Variants in ARL15 observed in about 807,000 individuals in gnomAD.
ARL15 encodes ARF like GTPase 15.
In ARL15, 19 loss-of-function variants were observed where a neutral mutation model predicts 25.2. The observed-to-expected ratio is 0.75, with a 90% CI of 0.53 to 1.10. The LOEUF is 1.10. Ranked by LOEUF, ARL15 falls within the 50% of genes least tolerant of loss-of-function variation. The pLI, the probability that ARL15 is intolerant of heterozygous loss-of-function variation, is 0.00. For synonymous variants in ARL15, 94 were observed against 86.8 expected, an observed-to-expected ratio of 1.08 and a Z score of -0.46; for missense variants, 220 against 246.0, an observed-to-expected ratio of 0.89 and a Z score of 0.71.
rs1561246172 is a variant in ARL15, at chr5:54,156,877, T to G, written c.194-2238A>C. Among the ~76,000 whole-genome samples, 4 of 152,304 alleles carry G rather than the reference T, an allele frequency of 2.6e-5. No individual in the cohort carries two copies. In the East Asian group the frequency reaches 7.7e-4, roughly 29 times the overall value. ...GTACCTGAGCCTGCAGGAAAGCCTC[T>G]CCAGGTGTCTGGCCTCTGGGAAATT... On this transcript the variant is annotated intron_variant, in intron 2 of 4. Coordinates refer to ENST00000504924, the MANE Select transcript of ARL15 (RefSeq NM_019087.3).
At chr5:54,080,191 G>A (rs1751751490) in intron 4 of ARL15, among the ~76,000 whole-genome samples, 1 of 152,144 alleles carries the variant, frequency 6.6e-6, no homozygotes, top group South Asian at 2.1e-4. Context: ...TTCTAAAGTT[G>A]AAACAGCTTT....
intron 4 of ARL15, among the ~76,000 whole-genome samples, chr5:53,928,788 G>C (rs748349314): frequency 6.6e-6 from 1 of 152,168 alleles, no homozygotes; most frequent in Non-Finnish European, 1.5e-5. Flanking sequence ...CAGAGCTTCT[G>C]TGCTGTCTTT....
At chr5:54,181,646 C>A (rs1451018842) in intron 1 of ARL15, among the ~76,000 whole-genome samples, 2 of 152,188 alleles carry the variant, frequency 1.3e-5, no homozygotes, top group African/African-American at 2.4e-5. Flanking sequence ...TTAAAAGGAG[C>A]TAGGTGGTCG....
At chr5:54,187,915 G>A (rs1755284244) in intron 1 of ARL15, among the ~76,000 whole-genome samples, 1 of 152,128 alleles carries the variant, frequency 6.6e-6, no homozygotes, top group African/African-American at 2.4e-5. Context: ...GGGACAGTCT[G>A]GGCTATTGTT....
chr5:53,942,008 G>A (rs914906694), intron 4 of ARL15, among the ~76,000 whole-genome samples: 2 of 152,194 alleles, frequency 1.3e-5, no homozygotes, highest in African/African-American at 2.4e-5. Context: ...TAAAGAGTAT[G>A]GGGCGGGCAG....
intron 1 of ARL15, among the ~76,000 whole-genome samples, chr5:54,297,730 T>C (rs745659405): frequency 6.6e-6 from 1 of 152,236 alleles, no homozygotes; most frequent in Non-Finnish European, 1.5e-5. Context: ...GACTTGTTAC[T>C]CCATACAACA....
chr5:54,296,900 G>C (rs1758479513), intron 1 of ARL15, among the ~76,000 whole-genome samples: 1 of 152,202 alleles, frequency 6.6e-6, no homozygotes, highest in Admixed American at 6.5e-5. Context: ...CCACCACTGT[G>C]GCAGAGGGTT....
chr5:54,201,127 T>C (rs1295895697), intron 1 of ARL15, among the ~76,000 whole-genome samples: 2 of 152,106 alleles, frequency 1.3e-5, no homozygotes, highest in Non-Finnish European at 2.9e-5. Flanking sequence ...ATCTATGGCT[T>C]ACCAGAGAGA....
chr5:54,243,293 G>A (rs925529651), intron 1 of ARL15, among the ~76,000 whole-genome samples: 4 of 152,126 alleles, frequency 2.6e-5, no homozygotes, highest in African/African-American at 9.7e-5. Context: ...CTTGATTACA[G>A]CCTTCTGTAA....
At chr5:54,006,829 G>A (rs568647909) in intron 4 of ARL15, among the ~76,000 whole-genome samples, 56 of 152,150 alleles carry the variant, frequency 3.7e-4, no homozygotes, top group African/African-American at 1.3e-3. Context: ...GGTGGCTCAC[G>A]TCTGCAATGT....
At chr5:54,184,106 G>C in intron 1 of ARL15, among the ~76,000 whole-genome samples, 1 of 60,140 alleles carries the variant, frequency 1.7e-5, no homozygotes, top group Non-Finnish European at 3.1e-5. Context: ...TGGTGGGGTG[G>C]GGGGAGGGGG....
chr5:54,085,522 C>G (rs999519358), intron 4 of ARL15, among the ~76,000 whole-genome samples: 1 of 152,122 alleles, frequency 6.6e-6, no homozygotes, highest in South Asian at 2.1e-4. Context: ...ACTGAACGTA[C>G]AGACTAAAAT....
chr5:53,970,848 A>G (rs1193856597), intron 4 of ARL15, among the ~76,000 whole-genome samples: 1 of 152,238 alleles, frequency 6.6e-6, no homozygotes, highest in Non-Finnish European at 1.5e-5. Flanking sequence ...ATTCCTTCTG[A>G]ATAAATGAAA....
intron 4 of ARL15, among the ~76,000 whole-genome samples, chr5:54,059,641 C>G (rs899349335): frequency 2.6e-5 from 4 of 152,182 alleles, no homozygotes; most frequent in African/African-American, 9.7e-5. Flanking sequence ...TACCAAGTGA[C>G]AGTTGGAACC....
At chr5:53,934,513 ATGTACATTAAAC>A (rs1746297398) in intron 4 of ARL15, among the ~76,000 whole-genome samples, 1 of 152,176 alleles carries the variant, frequency 6.6e-6, no homozygotes, top group Admixed American at 6.5e-5. Flanking sequence ...ATTTAAATAA[ATGTACATTAAAC>A]TCTTACCACT....
intron 3 of ARL15, among the ~76,000 whole-genome samples, chr5:54,129,013 T>C (rs1234991579): frequency 6.6e-6 from 1 of 152,186 alleles, no homozygotes; most frequent in African/African-American, 2.4e-5. Context: ...CTTACTATTT[T>C]GATTCTTAAA....
chr5:54,021,369 G>A (rs1351622874), intron 4 of ARL15, among the ~76,000 whole-genome samples: 2 of 151,990 alleles, frequency 1.3e-5, no homozygotes, highest in African/African-American at 4.8e-5. Context: ...AAGCTTTAAT[G>A]AGCAATAATA....
chr5:54,285,198 T>A (rs1045324711), intron 1 of ARL15: 2 of 187,652 alleles, frequency 1.1e-5, no homozygotes, highest in African/African-American at 4.8e-5. Context: ...TCTCATCTTC[T>A]TTGCTGCCTC....
chr5:53,952,106 T>C (rs1212450112), intron 4 of ARL15, among the ~76,000 whole-genome samples: 1 of 151,128 alleles, frequency 6.6e-6, no homozygotes, highest in Non-Finnish European at 1.5e-5. Flanking sequence ...CTACTAAAAA[T>C]AAAAAAAATA....
Sources: allele counts gnomAD v4.1 joint callset (sites outside exome capture counted in the v4.1 genomes callset), GRCh38; gene constraint gnomAD v4.1.1; transcripts MANE v1.5; gene names NCBI Gene and HGNC (gene_info 2026-07-23, HGNC 2026-07-21).